Variants in CEP112 observed in about 807,000 individuals in gnomAD.
CEP112 encodes centrosomal protein of 112 kDa.
A neutral mutation model predicts 153.0 loss-of-function variants in CEP112; 127 were observed. The ratio of observed to expected loss-of-function variants is 0.83; its 90% CI spans 0.72 to 0.96. The LOEUF is 0.96. Among genes scored for constraint, CEP112 ranks in the 40% least tolerant of loss-of-function variants. The probability of loss-of-function intolerance (pLI) is 0.00; values close to 1 mark genes in which losing one functional copy is unlikely to be tolerated. For missense variants in CEP112, 1,089 were observed against 1,101.2 expected, an observed-to-expected ratio of 0.99 and a Z score of 0.16; for synonymous variants, 358 against 374.4, an observed-to-expected ratio of 0.96 and a Z score of 0.51.
At chr17:65,916,882 G>A (rs1228126208) in intron 19 of CEP112, among the ~76,000 whole-genome samples, 1 of 151,914 alleles carries the variant, frequency 6.6e-6, no homozygotes, top group Non-Finnish European at 1.5e-5. Flanking sequence ...CTAGCTAAAG[G>A]TGCCACTTGT....
chr17:65,638,297 C>T (rs1319803364), intron 25 of CEP112, among the ~76,000 whole-genome samples: 1 of 152,230 alleles, frequency 6.6e-6, no homozygotes. Flanking sequence ...AAGCACCTTA[C>T]ACAACCCAAA....
At chr17:65,967,011 C>T (rs993561889) in intron 17 of CEP112, among the ~76,000 whole-genome samples, 1 of 152,156 alleles carries the variant, frequency 6.6e-6, no homozygotes, top group African/African-American at 2.4e-5. Context: ...TTCTCATAAG[C>T]TCAATGAAAC....
intron 21 of CEP112, among the ~76,000 whole-genome samples, chr17:65,762,751 G>C (rs2145408054): frequency 6.6e-6 from 1 of 151,938 alleles, no homozygotes; most frequent in East Asian, 1.9e-4. Context: ...TATTACTGCT[G>C]TCATTCATTT....
intron 4 of CEP112, among the ~76,000 whole-genome samples, chr17:66,161,455 G>A (rs1044693996): frequency 9.2e-5 from 14 of 152,010 alleles, no homozygotes; most frequent in Non-Finnish European, 1.3e-4. Context: ...ATAATAGACC[G>A]GATAAAGAAA....
intron 4 of CEP112, among the ~76,000 whole-genome samples, chr17:66,173,532 T>C (rs967080355): frequency 3.3e-5 from 5 of 152,236 alleles, no homozygotes; most frequent in African/African-American, 1.2e-4. Context: ...TTCACCTTTA[T>C]ACTGTAAACT....
chr17:65,869,751 A>AT (rs1365425119), intron 20 of CEP112, among the ~76,000 whole-genome samples: 1 of 151,200 alleles, frequency 6.6e-6, no homozygotes, highest in Non-Finnish European at 1.5e-5. Context: ...ATTCGGCTAA[A>AT]TTTTTTTGTA....
At chr17:65,693,399 T>C (rs2048210016) in intron 23 of CEP112, among the ~76,000 whole-genome samples, 1 of 151,870 alleles carries the variant, frequency 6.6e-6, no homozygotes, top group African/African-American at 2.4e-5. Context: ...TCACGCCCAA[T>C]TGTGTTTTTC....
chr17:65,989,305 C>G (rs2063513766), intron 17 of CEP112, among the ~76,000 whole-genome samples: 1 of 150,262 alleles, frequency 6.7e-6, no homozygotes. Flanking sequence ...AAGACTATCC[C>G]AAGGCCTATA....
chr17:65,984,487 G>A (rs9303494), intron 17 of CEP112, among the ~76,000 whole-genome samples: 79,129 of 151,950 alleles, frequency 0.52, 21,611 homozygotes, highest in African/African-American at 0.6. Flanking sequence ...TGCAGCCCAG[G>A]AATTTATAAC....
chr17:65,870,296 C>T (rs2058631784), intron 20 of CEP112, among the ~76,000 whole-genome samples: 1 of 151,916 alleles, frequency 6.6e-6, no homozygotes, highest in Non-Finnish European at 1.5e-5. Context: ...AAGAACTAGC[C>T]ACATCATCTA....
At chr17:66,158,574 T>C (rs1324366694) in intron 4 of CEP112, among the ~76,000 whole-genome samples, 1 of 152,018 alleles carries the variant, frequency 6.6e-6, no homozygotes, top group Admixed American at 6.6e-5. Flanking sequence ...ATCGCGCCAC[T>C]GCACTCCAGC....
At chr17:65,706,021 G>A (rs2048896180) in intron 23 of CEP112, among the ~76,000 whole-genome samples, 1 of 152,196 alleles carries the variant, frequency 6.6e-6, no homozygotes, top group Non-Finnish European at 1.5e-5. Context: ...GGAAATGACA[G>A]AGTAAATGTG....
At chr17:65,829,865 C>T (rs2057007572) in intron 21 of CEP112, among the ~76,000 whole-genome samples, 1 of 152,128 alleles carries the variant, frequency 6.6e-6, no homozygotes, top group Admixed American at 6.5e-5. Context: ...CTAAGTCACA[C>T]AAGATACTGG....
intron 21 of CEP112, among the ~76,000 whole-genome samples, chr17:65,814,232 A>C (rs1286294162): frequency 1.3e-5 from 2 of 152,186 alleles, no homozygotes; most frequent in African/African-American, 4.8e-5. Flanking sequence ...TGTGTCTAAC[A>C]TATTCTCACC....
chr17:65,906,995 T>G (rs1272147794), intron 19 of CEP112, among the ~76,000 whole-genome samples: 1 of 152,242 alleles, frequency 6.6e-6, no homozygotes, highest in African/African-American at 2.4e-5. Context: ...GAGATCTTCT[T>G]GAAAGCCTCA....
chr17:65,890,825 G>T (rs2059437049), intron 20 of CEP112, among the ~76,000 whole-genome samples: 1 of 152,170 alleles, frequency 6.6e-6, no homozygotes, highest in African/African-American at 2.4e-5. Context: ...TCAGCAAAGG[G>T]TGCCTTCATA....
chr17:65,774,447 A>C (rs1440630873), intron 21 of CEP112, among the ~76,000 whole-genome samples: 1 of 152,164 alleles, frequency 6.6e-6, no homozygotes, highest in Non-Finnish European at 1.5e-5. Context: ...GAGAGACACA[A>C]GCAGGGATGA....
intron 20 of CEP112, among the ~76,000 whole-genome samples, chr17:65,897,253 G>A (rs2059688933): frequency 6.6e-6 from 1 of 152,014 alleles, no homozygotes; most frequent in African/African-American, 2.4e-5. Flanking sequence ...TTGATCCAAA[G>A]AAACAAAAAT....
intron 21 of CEP112, among the ~76,000 whole-genome samples, chr17:65,762,513 T>C (rs2052672956): frequency 1.3e-5 from 2 of 152,056 alleles, no homozygotes; most frequent in Admixed American, 1.3e-4. Flanking sequence ...TTTTCCTATT[T>C]TTGTCTTACA....
Sources: gnomAD v4.1 joint callset for allele counts (sites outside exome capture counted in the v4.1 genomes callset) on GRCh38, gnomAD v4.1.1 for gene constraint, MANE v1.5 for transcripts, NCBI Gene and HGNC (gene_info 2026-07-23, HGNC 2026-07-21) for gene names.